The following ANKH variants were observed in gnomAD, a reference collection of about 807,000 sequenced individuals.
The protein encoded by ANKH is ANKH inorganic pyrophosphate transport regulator, also known as mineralization regulator ANKH.
In ANKH, 15 loss-of-function variants were observed where a neutral mutation model predicts 49.0. The observed-to-expected ratio is 0.31, with a 90% CI of 0.20 to 0.47. The LOEUF (loss-of-function observed/expected upper bound fraction) is 0.47. Ranked by LOEUF, ANKH falls within the 20% of genes least tolerant of loss-of-function variation. ANKH has a pLI of 1.00. For synonymous variants in ANKH, 273 were observed against 260.0 expected (o/e 1.05, Z -0.48); for missense variants, 429 against 652.0 (o/e 0.66, Z 3.72).
Position 14,756,077 on chromosome 5 carries a change from A to G in ANKH, c.433-133T>C, listed in dbSNP as rs183833701. On this transcript the variant is annotated intron_variant, in intron 3 of 11. Coordinates refer to ENST00000284268, the MANE Select transcript of ANKH (RefSeq NM_054027.6). ...AGCCTTAGCAGCCCAGGTCTGATAA[A>G]TCTTTGGTTGGTAAAATTACTGTAA... is the stretch of plus-strand genomic sequence containing the variant. The G allele has an allele frequency of 1.8e-4, 141 of 781,742 alleles. 1 individual carries two copies. Among genetic ancestry groups the G allele is most frequent in the Admixed American group, 9.2e-4 (45 of 48,850 alleles). 48.4% of individuals were successfully genotyped at this position (781,742 alleles called of 1,614,324 possible).
chr5:14,741,850 C>G lies in ANKH; in HGVS notation c.988G>C (p.Val330Leu). The G allele has an allele frequency of 6.2e-7, 1 of 1,614,076 alleles. No individual in the cohort carries two copies. Among genetic ancestry groups the G allele is most frequent in the South Asian group, 1.1e-5 (1 of 91,078 alleles). ...TAAHIKKFTF[V>L]CMALSLTLCF... ...ACCGTGAGTGACAGAGCCATGCAGA[C>G]GAAGGTGAACTTCTTGATGTGGGCT... Residue 330 changes from valine to leucine, a missense_variant, in exon 8 of 12, where the codon GTC becomes CTC. By Grantham distance (32) the Val-to-Leu change is conservative (BLOSUM62 1). Around this residue, in one of 2 missense-constraint regions of ANKH, gnomAD observed 378 missense variants for 615.3 expected, o/e 0.61. Transcript: ENST00000284268.
At chr5:14,759,844 G>A (rs1739019826) in intron 2 of ANKH, among the ~76,000 whole-genome samples, 1 of 84,478 alleles carries the variant, frequency 1.2e-5, no homozygotes, top group Non-Finnish European at 2.6e-5. Context: ...GGAAGGGAAG[G>A]GAAGGAAAGG....
chr5:14,722,325 G>A (rs1209287344), intron 8 of ANKH, among the ~76,000 whole-genome samples: 1 of 152,132 alleles, frequency 6.6e-6, no homozygotes, highest in African/African-American at 2.4e-5. Flanking sequence ...TTCTGCTGTC[G>A]AGTTTGCTGT....
chr5:14,713,454 G>C lies in ANKH; in HGVS notation c.1265+90C>G, dbSNP rs1737317253. The stretch of plus-strand genomic sequence containing the variant: ...ATTTCCGATTCTAGACGTGCCTGGG[G>C]ATTTCCCCTGAAAATGTAGCTGTTA... On this transcript the variant is annotated intron_variant, in intron 10 of 11. Coordinates refer to ENST00000284268, the MANE Select transcript of ANKH (RefSeq NM_054027.6). This position sits in a 1 kb window ranked among gnomAD's most constrained non-coding sequence, Gnocchi z 4.4. 12 of 1,542,870 alleles carry C rather than the reference G, an allele frequency of 7.8e-6. No individual in the cohort carries two copies. The African/African-American group carries it at 8.2e-5, about 11-fold the overall frequency.
At position 14,771,096 on chromosome 5, in the gene ANKH, T is replaced by C. The variant is rs112403902; in HGVS notation, c.97-1905A>G. Among the ~76,000 whole-genome samples the C allele has an allele frequency of 2.6e-5, 4 of 152,380 alleles. 1 individual carries two copies. Among genetic ancestry groups the C allele is most frequent in the African/African-American group, 9.6e-5 (4 of 41,592 alleles). On this transcript the variant is annotated intron_variant, in intron 1 of 11. Transcript: ENST00000284268. ...CCACAGTCTGAGAGCTGCCTTGCTA[T>C]ACTGGGTAGAGCTAATGTCAACAAT...
intron 1 of ANKH, among the ~76,000 whole-genome samples, chr5:14,779,914 G>A (rs563170616): frequency 1.3e-5 from 2 of 152,212 alleles, no homozygotes; most frequent in Non-Finnish European, 2.9e-5. Flanking sequence ...GGTGTAAAGC[G>A]AAAGTAAAGA....
At chr5:14,797,547 C>CT in intron 1 of ANKH, 2 of 1,611,026 alleles carry the variant, frequency 1.2e-6, no homozygotes, top group Non-Finnish European at 1.7e-6. Context: ...AATGAACTCA[C>CT]TATAAGGACT....
chr5:14,740,293 GA>G (rs1386295970), intron 8 of ANKH, among the ~76,000 whole-genome samples: 7 of 152,132 alleles, frequency 4.6e-5, no homozygotes, highest in African/African-American at 1.4e-4. Flanking sequence ...TCTTTTCCTG[GA>G]AAAGAAACCT....
chr5:14,860,437 C>T (rs1046168802), intron 1 of ANKH, among the ~76,000 whole-genome samples: 12 of 152,184 alleles, frequency 7.9e-5, no homozygotes, highest in African/African-American at 2.7e-4. Flanking sequence ...GTTTAGGCCA[C>T]ACATGGTGGG....
chr5:14,715,168 A>G (rs899050989), intron 9 of ANKH, among the ~76,000 whole-genome samples: 1 of 151,778 alleles, frequency 6.6e-6, no homozygotes, highest in Non-Finnish European at 1.5e-5. Flanking sequence ...TTTCACTCTT[A>G]TTGCAGAGGC....
At chr5:14,760,116 C>A (rs1454123655) in intron 2 of ANKH, among the ~76,000 whole-genome samples, 6 of 152,066 alleles carry the variant, frequency 3.9e-5, no homozygotes, top group African/African-American at 1.4e-4. Flanking sequence ...GGTGAACAAC[C>A]AGAAGGTCAG....
chr5:14,809,924 C>T (rs1740826679), intron 1 of ANKH, among the ~76,000 whole-genome samples: 3 of 151,932 alleles, frequency 2.0e-5, no homozygotes, highest in Admixed American at 1.3e-4. Flanking sequence ...AGATTTTGCT[C>T]ACAAAGGAGC....
intron 1 of ANKH, among the ~76,000 whole-genome samples, chr5:14,792,293 T>C (rs1312731271): frequency 6.6e-6 from 1 of 152,136 alleles, no homozygotes; most frequent in African/African-American, 2.4e-5. Flanking sequence ...GGAGGATTTA[T>C]GAAGAACAAT....
chr5:14,869,521 G>A (rs1410558206), intron 1 of ANKH: 2 of 152,182 alleles, frequency 1.3e-5, no homozygotes, highest in Non-Finnish European at 2.9e-5. Context: ...ACTCCATTAA[G>A]TACTTTGCTT....
chr5:14,855,307 T>G (rs372784694), intron 1 of ANKH, among the ~76,000 whole-genome samples: 5 of 152,340 alleles, frequency 3.3e-5, no homozygotes, highest in African/African-American at 1.2e-4. Context: ...CTTGTTTATT[T>G]GCCCTCCTAT....
intron 1 of ANKH, among the ~76,000 whole-genome samples, chr5:14,865,950 A>G (rs761012134): frequency 6.6e-6 from 1 of 152,224 alleles, no homozygotes; most frequent in Non-Finnish European, 1.5e-5. Context: ...AAAACTCTCC[A>G]TTCACAGATA....
At chr5:14,805,631 C>T (rs1469677648) in intron 1 of ANKH, among the ~76,000 whole-genome samples, 5 of 151,456 alleles carry the variant, frequency 3.3e-5, no homozygotes, top group African/African-American at 1.2e-4. Flanking sequence ...TGAAACTTGC[C>T]TTATTTTTCT....
chr5:14,780,080 C>G (rs1739761216), intron 1 of ANKH, among the ~76,000 whole-genome samples: 1 of 149,118 alleles, frequency 6.7e-6, no homozygotes, highest in African/African-American at 2.5e-5. Flanking sequence ...TCTGACCAGG[C>G]CCTGGAGAAG....
rs150179932 is a variant in ANKH, at chr5:14,813,665, T to G, written c.97-44474A>C. Among the ~76,000 whole-genome samples, 353 of 152,256 alleles carry G rather than the reference T, an allele frequency of 2.3e-3. 3 individuals are homozygous for G. The highest frequency in any genetic ancestry group is 8.1e-3 in the African/African-American group (337 of 41,538). On this transcript the variant is annotated intron_variant, in intron 1 of 11. Coordinates refer to ENST00000284268, the MANE Select transcript of ANKH (RefSeq NM_054027.6). ...CCACGGCGTCTATCAGAGGCTGAGC[T>G]TCACTGGGACCTGGCACCTAATCTG...
Sources: gnomAD v4.1 joint callset for allele counts (sites outside exome capture counted in the v4.1 genomes callset) on GRCh38, gnomAD v4.1.1 for gene constraint, gnomAD v4.1.1 regional missense constraint, Gnocchi (gnomAD v3.1) non-coding constraint, MANE v1.5 for transcripts, NCBI Gene and HGNC (gene_info 2026-07-23, HGNC 2026-07-21) for gene names.